LRRC4C: variants seen among roughly 807,000 people sequenced by gnomAD.
The protein encoded by LRRC4C is leucine-rich repeat-containing protein 4C.
A neutral mutation model predicts 33.6 loss-of-function variants in LRRC4C; 5 were observed. The ratio of observed to expected loss-of-function variants is 0.15; its 90% CI spans 0.08 to 0.31. The LOEUF (loss-of-function observed/expected upper bound fraction) is 0.31. LRRC4C is among the 10% of genes least tolerant of loss of function. LRRC4C has a pLI of 1.00. For missense variants in LRRC4C, 560 were observed against 796.7 expected (o/e 0.70, Z 3.58); for synonymous variants, 329 against 302.0 (o/e 1.09, Z -0.93).
At chr11:41,190,931 A>T (rs575386863) in intron 1 of LRRC4C, among the ~76,000 whole-genome samples, 3 of 152,284 alleles carry the variant, frequency 2.0e-5, no homozygotes, top group South Asian at 2.1e-4. Flanking sequence ...GCAGTAACTT[A>T]CTGTTGTATA....
Position 40,396,797 on chromosome 11 carries a change from T to G in LRRC4C, c.-269-77076A>C, listed in dbSNP as rs140515728. 1.2e-3 allele frequency among the ~76,000 whole-genome samples: 183 copies of G among 152,228 alleles called. 4 individuals carry two copies. In the East Asian group the frequency reaches 0.029, roughly 24 times the overall value. Reference sequence around the variant, plus strand: ...GAAACATACATTTTAAGAATCTGTATGCAAACACGTTCCAGTGACCTCAAA... The same window carrying G: ...GAAACATACATTTTAAGAATCTGTAGGCAAACACGTTCCAGTGACCTCAAA... On this transcript the variant is annotated intron_variant, in intron 3 of 6. Coordinates refer to ENST00000528697, the MANE Select transcript of LRRC4C (RefSeq NM_001258419.2).
At chr11:41,002,421 A>T (rs1854449228) in intron 1 of LRRC4C, among the ~76,000 whole-genome samples, 1 of 152,208 alleles carries the variant, frequency 6.6e-6, no homozygotes, top group Non-Finnish European at 1.5e-5. Flanking sequence ...AGCTCCTATT[A>T]AAATTAGAGC....
At chr11:40,671,025 G>T (rs572039867) in intron 2 of LRRC4C, among the ~76,000 whole-genome samples, 1 of 152,122 alleles carries the variant, frequency 6.6e-6, no homozygotes, top group Non-Finnish European at 1.5e-5. Flanking sequence ...GGCCTCCCAA[G>T]GTGCTGGGAT....
At position 40,133,243 on chromosome 11, in the gene LRRC4C, A is replaced by G. The variant is rs111650226; in HGVS notation, c.-43+7558T>C. 4.8e-3 allele frequency among the ~76,000 whole-genome samples: 726 copies of G among 152,326 alleles called. 8 individuals carry two copies. Among genetic ancestry groups the G allele is most frequent in the African/African-American group, 0.017 (702 of 41,572 alleles). On this transcript the variant is annotated intron_variant, in intron 6 of 6. Transcript: ENST00000528697. Reference sequence around the variant, plus strand: ...ATAGGTTGAAAACAAACAAACCAACAATATACCCAGAAGGTGTATGGATTT... The same window carrying G: ...ATAGGTTGAAAACAAACAAACCAACGATATACCCAGAAGGTGTATGGATTT...
chr11:41,174,584 T>G (rs1443377173), intron 1 of LRRC4C, among the ~76,000 whole-genome samples: 1 of 152,118 alleles, frequency 6.6e-6, no homozygotes, highest in African/African-American at 2.4e-5. Context: ...TTTTCCAGGA[T>G]TATGTGCTAT....
At chr11:40,605,387 C>T (rs920909112) in intron 3 of LRRC4C, among the ~76,000 whole-genome samples, 1 of 152,098 alleles carries the variant, frequency 6.6e-6, no homozygotes, top group Non-Finnish European at 1.5e-5. Flanking sequence ...AAGTCCCAGA[C>T]AGTTTTTCCC....
chr11:41,259,069 A>G (rs185197196), intron 1 of LRRC4C, among the ~76,000 whole-genome samples: 14 of 152,130 alleles, frequency 9.2e-5, no homozygotes, highest in Admixed American at 8.5e-4. Context: ...TATCCTTTCT[A>G]ATCTCTGTAT....
chr11:40,273,484 A>C (rs1039456665), intron 4 of LRRC4C, among the ~76,000 whole-genome samples: 4 of 152,166 alleles, frequency 2.6e-5, no homozygotes, highest in African/African-American at 9.7e-5. Flanking sequence ...CAGACAACAT[A>C]TATTTCATCC....
At chr11:41,344,195 A>C (rs1951727364) in intron 1 of LRRC4C, among the ~76,000 whole-genome samples, 1 of 150,398 alleles carries the variant, frequency 6.6e-6, no homozygotes, top group Admixed American at 6.6e-5. Context: ...TCCCAATACC[A>C]ATTCACTCTT....
rs1338886090 is a variant in LRRC4C, at chr11:40,915,229, T to C, written c.-407+18406A>G. On this transcript the variant is annotated intron_variant, in intron 2 of 6. Transcript: ENST00000528697. ...TCATATGGAACCAAAAAAGAGCCCA[T>C]ATTGCCAAGTCAATCCTGAGCCAAA... 4.6e-5 allele frequency among the ~76,000 whole-genome samples: 7 copies of C among 152,126 alleles called. No homozygotes were observed. In the East Asian group the frequency reaches 1.4e-3, roughly 29 times the overall value.
In LRRC4C at chr11:40,418,975, CG is replaced by C. The variant is rs566983485; in HGVS notation, c.-269-99255del. The stretch of plus-strand genomic sequence containing the variant: ...ACAACACACATTTGGGCCTGGTGGT[CG>C]GGGGATAGGGGGAGGGAGAGCATCA... On this transcript the variant is annotated intron_variant, in intron 3 of 6. Transcript: ENST00000528697. Among the ~76,000 whole-genome samples, 212 of 151,974 alleles carry C rather than the reference CG, an allele frequency of 1.4e-3. 1 individual carries two copies. Among genetic ancestry groups the C allele is most frequent in the African/African-American group, 4.9e-3 (202 of 41,458 alleles).
chr11:41,372,636 T>C (rs1952792011), intron 1 of LRRC4C, among the ~76,000 whole-genome samples: 1 of 152,130 alleles, frequency 6.6e-6, no homozygotes, highest in Non-Finnish European at 1.5e-5. Context: ...CTCTCACCCA[T>C]TTCTGAGCCT....
intron 1 of LRRC4C, among the ~76,000 whole-genome samples, chr11:41,046,124 T>C (rs1857761353): frequency 6.6e-6 from 1 of 152,196 alleles, no homozygotes; most frequent in South Asian, 2.1e-4. Flanking sequence ...CTTAATTTTT[T>C]CTTCAAAATG....
At chr11:41,229,260 A>C (rs1425879698) in intron 1 of LRRC4C, among the ~76,000 whole-genome samples, 1 of 152,118 alleles carries the variant, frequency 6.6e-6, no homozygotes, top group Non-Finnish European at 1.5e-5. Context: ...CCATGTGAGG[A>C]TGTAGAAAGA....
In LRRC4C at chr11:40,616,166, T is replaced by C. The variant is rs1961802395; in HGVS notation, c.-270+31976A>G. Among the ~76,000 whole-genome samples the C allele has an allele frequency of 2.0e-5, 3 of 152,020 alleles. No homozygotes were observed. The South Asian group carries it at 6.2e-4, about 32-fold the overall frequency. ...CAAAAGACACATGAAAAAATGCTCA[T>C]CATCACTGGCCATCAAAGAAATGCA... On this transcript the variant is annotated intron_variant, in intron 3 of 6. Coordinates refer to ENST00000528697, the MANE Select transcript of LRRC4C (RefSeq NM_001258419.2).
intron 1 of LRRC4C, among the ~76,000 whole-genome samples, chr11:41,434,586 G>A (rs1955361061): frequency 6.6e-6 from 1 of 152,162 alleles, no homozygotes; most frequent in Non-Finnish European, 1.5e-5. Flanking sequence ...GCACATCAAA[G>A]TCTGCAAATA....
chr11:40,480,202 C>A (rs1393891866), intron 3 of LRRC4C, among the ~76,000 whole-genome samples: 1 of 151,912 alleles, frequency 6.6e-6, no homozygotes, highest in East Asian at 1.9e-4. Context: ...AGGGGGGCTT[C>A]TGTGTCAAAT....
intron 1 of LRRC4C, among the ~76,000 whole-genome samples, chr11:41,380,979 C>G (rs1349274926): frequency 6.6e-6 from 1 of 152,112 alleles, no homozygotes; most frequent in African/African-American, 2.4e-5. Flanking sequence ...TCCTATGAAT[C>G]CATATTATAA....
At chr11:40,810,139 A>C (rs560765038) in intron 2 of LRRC4C, among the ~76,000 whole-genome samples, 1 of 152,152 alleles carries the variant, frequency 6.6e-6, no homozygotes, top group Non-Finnish European at 1.5e-5. Context: ...AGTTTACTCA[A>C]ATCACTATTG....
Sources: allele counts gnomAD v4.1 joint callset (sites outside exome capture counted in the v4.1 genomes callset), GRCh38; gene constraint gnomAD v4.1.1; transcripts MANE v1.5; gene names NCBI Gene and HGNC (gene_info 2026-07-23, HGNC 2026-07-21).